RFTN1: variants seen among roughly 807,000 people sequenced by gnomAD.
RFTN1 encodes raftlin.
In RFTN1, 26 loss-of-function variants were observed where a neutral mutation model predicts 46.5. That is an observed-to-expected ratio of 0.56 (90% CI 0.41 to 0.78). The LOEUF (loss-of-function observed/expected upper bound fraction) is 0.78, where lower values mean the gene tolerates loss of function less well. Among genes scored for constraint, RFTN1 ranks in the 30% least tolerant of loss-of-function variants. The pLI, the probability that RFTN1 is intolerant of heterozygous loss-of-function variation, is 0.00. For synonymous variants in RFTN1, 261 were observed against 284.2 expected (o/e 0.92, Z 0.82); for missense variants, 693 against 718.7 (o/e 0.96, Z 0.41).
At position 16,322,203 on chromosome 3, in the gene RFTN1, C is replaced by T. The variant is rs2069142277; in HGVS notation, c.1332+1173G>A. Among the ~76,000 whole-genome samples the T allele has an allele frequency of 6.6e-6, 1 of 152,220 alleles. No individual in the cohort carries two copies. The highest frequency in any genetic ancestry group is 1.5e-5 in the Non-Finnish European group (1 of 68,048). On this transcript the variant is annotated intron_variant, in intron 9 of 9. Coordinates refer to ENST00000334133, the MANE Select transcript of RFTN1 (RefSeq NM_015150.2). This position sits in a 1 kb window ranked among gnomAD's most constrained non-coding sequence, Gnocchi z 6.2. ...TGGTTGATGGTGGGCTGGCAGTTCC[C>T]TTCTGGTCCATTGTGCCGTCACCTG...
At chr3:16,445,474 C>CTT (rs1559351421) in intron 2 of RFTN1, among the ~76,000 whole-genome samples, 1 of 100,338 alleles carries the variant, frequency 1.0e-5, no homozygotes, top group African/African-American at 4.2e-5. Flanking sequence ...CTTTCTCTCT[C>CTT]TCTCTCTCTC....
At position 16,447,091 on chromosome 3, in the gene RFTN1, C is replaced by T. The variant is rs1416619493; in HGVS notation, c.146-13054G>A. ...AAGGCACCACCCCAAGACACACCAGCAAATTCCTATCAGTGGATTCTCCTT... is the reference window on the plus strand; with the variant it reads ...AAGGCACCACCCCAAGACACACCAGTAAATTCCTATCAGTGGATTCTCCTT... On this transcript the variant is annotated intron_variant, in intron 2 of 9. Transcript: ENST00000334133. This position sits in a 1 kb window ranked among gnomAD's most constrained non-coding sequence, Gnocchi z 5.9. Among the ~76,000 whole-genome samples, 2 of 152,172 alleles carry T rather than the reference C, an allele frequency of 1.3e-5. No individual in the cohort carries two copies. The highest frequency in any genetic ancestry group is 4.8e-5 in the African/African-American group (2 of 41,454).
At chr3:16,464,066 C>A (rs1390913505) in intron 2 of RFTN1, among the ~76,000 whole-genome samples, 1 of 152,154 alleles carries the variant, frequency 6.6e-6, no homozygotes, top group Admixed American at 6.5e-5. Flanking sequence ...ACCCCTTCTG[C>A]TTTCCGGAGG....
rs1491581919 is a variant in RFTN1 at position 16,345,264 on chromosome 3, T to TTTGTGTGTGTGTGTGTGTGTG, written c.1146+12667_1146+12668insCACACACACACACACACACAA. ...AAACTGTAAGATAATAAGTAGGTGG[T>TTTGTGTGTGTGTGTGTGTGTG]TGTGTGTGTGTGTGTGTGTGTGTGT... On this transcript the variant is annotated intron_variant, in intron 7 of 9. Transcript: ENST00000334133. The surrounding 1 kb of genome is among the most constrained non-coding windows in gnomAD (Gnocchi z 5.2). 37 of 145,928 alleles carry TTTGTGTGTGTGTGTGTGTGTG rather than the reference T, an allele frequency of 2.5e-4. 2 individuals are homozygous for TTTGTGTGTGTGTGTGTGTGTG. The highest frequency in any genetic ancestry group is 9.5e-4 in the African/African-American group (36 of 37,850). The allele number at this position is 145,928 out of a possible 1,614,324, so 9.0% of individuals were successfully genotyped here. A position where few individuals can be genotyped will look rare whatever the true frequency, so the allele number is the denominator to read the frequency against.
rs1458905398 is a variant in RFTN1, at chr3:16,433,640, T to A, written c.332+211A>T. Among the ~76,000 whole-genome samples the A allele has an allele frequency of 1.3e-5, 2 of 152,222 alleles. No individual in the cohort carries two copies. The highest frequency in any genetic ancestry group is 4.8e-5 in the African/African-American group (2 of 41,458). On this transcript the variant is annotated intron_variant, in intron 3 of 9. Coordinates refer to ENST00000334133, the MANE Select transcript of RFTN1 (RefSeq NM_015150.2). This position sits in a 1 kb window ranked among gnomAD's most constrained non-coding sequence, Gnocchi z 4.4. ...AGAATGTAAAATGGAACTCTCTACT[T>A]GCAGTTGGACATGCATTTGTTTTTC...
At chr3:16,343,811 C>T (rs1022220241) in intron 7 of RFTN1, among the ~76,000 whole-genome samples, 2 of 152,176 alleles carry the variant, frequency 1.3e-5, no homozygotes, top group Non-Finnish European at 2.9e-5. Flanking sequence ...GTTTGCATAG[C>T]AATTTGATAA....
Position 16,317,321 on chromosome 3 carries a change from A to T in RFTN1, c.1333-89T>A, listed in dbSNP as rs2068515981. The T allele has an allele frequency of 1.5e-6, 2 of 1,357,266 alleles. No individual in the cohort carries two copies. Among genetic ancestry groups the T allele is most frequent in the Non-Finnish European group, 1.0e-6 (1 of 981,172 alleles). 84.1% of individuals were successfully genotyped at this position (1,357,266 alleles called of 1,614,324 possible). A position where few individuals can be genotyped will look rare whatever the true frequency, so the allele number is the denominator to read the frequency against. ...CCTTGTTTGCATTCATACCCACACC[A>T]TGTCTGAGTGAGACATACAATTCCC... On this transcript the variant is annotated intron_variant, in intron 9 of 9. Coordinates refer to ENST00000334133, the MANE Select transcript of RFTN1 (RefSeq NM_015150.2). The surrounding 1 kb of genome is among the most constrained non-coding windows in gnomAD (Gnocchi z 4.3).
chr3:16,336,962 C>G lies in RFTN1; in HGVS notation c.1147-10086G>C, dbSNP rs1017545726. On this transcript the variant is annotated intron_variant, in intron 7 of 9. Coordinates refer to ENST00000334133, the MANE Select transcript of RFTN1 (RefSeq NM_015150.2). The surrounding 1 kb of genome is among the most constrained non-coding windows in gnomAD (Gnocchi z 6.0). Reference sequence around the variant, plus strand: ...ACTTTCCAACACAGCTCGGCAGCTCCTCCCATAAGAGGGAGAGTCCCTCTG... The same window carrying G: ...ACTTTCCAACACAGCTCGGCAGCTCGTCCCATAAGAGGGAGAGTCCCTCTG... 1 of 152,230 alleles carries G rather than the reference C, an allele frequency of 6.6e-6. No individual in the cohort carries two copies. Among genetic ancestry groups the G allele is most frequent in the Admixed American group, 6.5e-5 (1 of 15,292 alleles). The allele number at this position is 152,230 out of a possible 1,614,324, so 9.4% of individuals were successfully genotyped here.
chr3:16,438,109 C>T (rs758430093), intron 2 of RFTN1, among the ~76,000 whole-genome samples: 1 of 152,114 alleles, frequency 6.6e-6, no homozygotes, highest in Non-Finnish European at 1.5e-5. Context: ...GGCCCTCAAA[C>T]TCATATTTAA....
Position 16,484,663 on chromosome 3 carries a change from A to C in RFTN1, c.145+9062T>G, listed in dbSNP as rs540636235. 2 of 152,298 alleles carry C rather than the reference A, an allele frequency of 1.3e-5. No homozygotes were observed. The highest frequency in any genetic ancestry group is 4.8e-5 in the African/African-American group (2 of 41,566). 9.4% of individuals were successfully genotyped at this position (152,298 alleles called of 1,614,324 possible). ...CTTGAGAAAGGGGCAAAGGTGAATA[A>C]ATTACCTTTGAACTTTTTCATGTTG... On this transcript the variant is annotated intron_variant, in intron 2 of 9. Coordinates refer to ENST00000334133, the MANE Select transcript of RFTN1 (RefSeq NM_015150.2). This position sits in a 1 kb window ranked among gnomAD's most constrained non-coding sequence, Gnocchi z 4.6.
Position 16,447,297 on chromosome 3 carries a change from T to C in RFTN1, c.146-13260A>G, listed in dbSNP as rs868050074. Among the ~76,000 whole-genome samples, 19 of 152,242 alleles carry C rather than the reference T, an allele frequency of 1.2e-4. 1 individual carries two copies. The highest frequency in any genetic ancestry group is 4.1e-4 in the South Asian group (2 of 4,830). On this transcript the variant is annotated intron_variant, in intron 2 of 9. Transcript: ENST00000334133. This position sits in a 1 kb window ranked among gnomAD's most constrained non-coding sequence, Gnocchi z 5.9. ...AATGAGAACAGGACCAGACAGCTCTTGTTCTCTAAAACAGGCTTCCACAGC... is the reference window on the plus strand; with the variant it reads ...AATGAGAACAGGACCAGACAGCTCTCGTTCTCTAAAACAGGCTTCCACAGC...
Position 16,410,738 on chromosome 3 carries a change from C to T in RFTN1, c.333-1255G>A, listed in dbSNP as rs979433319. On this transcript the variant is annotated intron_variant, in intron 3 of 9. Coordinates refer to ENST00000334133, the MANE Select transcript of RFTN1 (RefSeq NM_015150.2). The surrounding 1 kb of genome is among the most constrained non-coding windows in gnomAD (Gnocchi z 4.6). ...ACCCTGCCATCTCTGCACACAGGGG[C>T]TGCTTTCCAAAGCACCACCACATAG... is the stretch of plus-strand genomic sequence containing the variant. 6.6e-6 allele frequency among the ~76,000 whole-genome samples: 1 copy of T among 152,158 alleles called. No individual in the cohort carries two copies. Among genetic ancestry groups the T allele is most frequent in the Non-Finnish European group, 1.5e-5 (1 of 68,028 alleles).
intron 6 of RFTN1, among the ~76,000 whole-genome samples, chr3:16,362,590 A>T (rs1286733210): frequency 6.6e-6 from 1 of 152,208 alleles, no homozygotes; most frequent in Non-Finnish European, 1.5e-5. Context: ...GCTTGAGACC[A>T]GAAGACACTC....
chr3:16,487,129 A>G (rs1274759311), intron 2 of RFTN1, among the ~76,000 whole-genome samples: 1 of 152,194 alleles, frequency 6.6e-6, no homozygotes, highest in Non-Finnish European at 1.5e-5. Flanking sequence ...ATGAGAAAAT[A>G]AGCATCTGTT....
At chr3:16,493,924 T>A in intron 1 of RFTN1, 47 bp from the exon 2 acceptor site, 1 of 1,609,804 alleles carries the variant, frequency 6.2e-7, no homozygotes, top group Non-Finnish European at 8.5e-7. Flanking sequence ...TTTCTGAGAT[T>A]TTGTCTTTAA....
At chr3:16,368,018 G>A (rs890371814) in intron 6 of RFTN1, among the ~76,000 whole-genome samples, 1 of 152,040 alleles carries the variant, frequency 6.6e-6, no homozygotes, top group Non-Finnish European at 1.5e-5. Flanking sequence ...AGTTTCCTAG[G>A]GAGGAATGTA....
chr3:16,396,857 G>A lies in RFTN1; in HGVS notation c.441+12518C>T, dbSNP rs563247290. Among the ~76,000 whole-genome samples, 4 of 152,304 alleles carry A rather than the reference G, an allele frequency of 2.6e-5. No individual in the cohort carries two copies. In the South Asian group the frequency reaches 6.2e-4, roughly 24 times the overall value. Reference sequence around the variant, plus strand: ...GTGGGCGGATCACCTGAGGTCAGGAGTTTGAGACCAGCCTGGCCAACATGG... The same window carrying A: ...GTGGGCGGATCACCTGAGGTCAGGAATTTGAGACCAGCCTGGCCAACATGG... On this transcript the variant is annotated intron_variant, in intron 4 of 9. Coordinates refer to ENST00000334133, the MANE Select transcript of RFTN1 (RefSeq NM_015150.2).
Position 16,433,229 on chromosome 3 carries a change from T to A in RFTN1, c.332+622A>T, listed in dbSNP as rs1244540258. ...CCTTTTGAAAGACTAACCCCACTTC[T>A]CTTTTCTTAATTAGGCTCAACTGAA... On this transcript the variant is annotated intron_variant, in intron 3 of 9. Coordinates refer to ENST00000334133, the MANE Select transcript of RFTN1 (RefSeq NM_015150.2). This position sits in a 1 kb window ranked among gnomAD's most constrained non-coding sequence, Gnocchi z 4.4. 1.3e-5 allele frequency among the ~76,000 whole-genome samples: 2 copies of A among 152,042 alleles called. No homozygotes were observed. The highest frequency in any genetic ancestry group is 4.8e-5 in the African/African-American group (2 of 41,414).
rs1265396024 is a variant in RFTN1 at position 16,404,357 on chromosome 3, T to TAATATATAATATATATAATATATA, written c.441+5017_441+5018insTATATATTATATATATTATATATT. Among the ~76,000 whole-genome samples the TAATATATAATATATATAATATATA allele has an allele frequency of 5.0e-5, 3 of 59,442 alleles. 1 individual carries two copies. The highest frequency in any genetic ancestry group is 2.2e-4 in the African/African-American group (3 of 13,686). The allele number at this position is 59,442 out of a possible 152,430, so 39.0% of individuals were successfully genotyped here. A position where few individuals can be genotyped will look rare whatever the true frequency, so the allele number is the denominator to read the frequency against. Reference sequence around the variant, plus strand: ...TATAATATATATAATATATAATATATATACACAATATATAATATATATAAT... The same window carrying TAATATATAATATATATAATATATA: ...TATAATATATATAATATATAATATATAATATATAATATATATAATATATAATACACAATATATAATATATATAAT... On this transcript the variant is annotated intron_variant, in intron 4 of 9. Transcript: ENST00000334133.
Sources: allele counts gnomAD v4.1 joint callset (sites outside exome capture counted in the v4.1 genomes callset), GRCh38; gene constraint gnomAD v4.1.1; non-coding constraint Gnocchi (gnomAD v3.1); transcripts MANE v1.5; gene names NCBI Gene and HGNC (gene_info 2026-07-23, HGNC 2026-07-21).